Variants in DYNLT2 observed in about 807,000 individuals in gnomAD.
DYNLT2 encodes dynein light chain Tctex-type 2, also known as dynein light chain Tctex-type protein 2.
In DYNLT2, 24 loss-of-function variants were observed where a neutral mutation model predicts 24.3. The ratio of observed to expected loss-of-function variants is 0.99; its 90% CI spans 0.71 to 1.39. The LOEUF (loss-of-function observed/expected upper bound fraction) is 1.39, where lower values mean the gene tolerates loss of function less well. DYNLT2 is among the 40% of genes most tolerant of loss of function. The pLI, the probability that DYNLT2 is intolerant of heterozygous loss-of-function variation, is 0.00. For missense variants in DYNLT2, 246 were observed against 234.5 expected (o/e 1.05, Z -0.32); for synonymous variants, 85 against 85.4 (o/e 1.00, Z 0.03).
In DYNLT2 at chr6:169,748,035, G is replaced by A. The variant is rs761484433; in HGVS notation, c.120+3304C>T. Among the ~76,000 whole-genome samples the A allele has an allele frequency of 5.3e-5, 8 of 152,132 alleles. No homozygotes were observed. The South Asian group carries it at 6.2e-4, about 12-fold the overall frequency. On this transcript the variant is annotated intron_variant, in intron 1 of 3. Transcript: ENST00000366774. ...ACTGAGGCAATACACGTCTTAGCACGCTAACCAAAGCCCTGTATTTTTCAT... is the reference window on the plus strand; with the variant it reads ...ACTGAGGCAATACACGTCTTAGCACACTAACCAAAGCCCTGTATTTTTCAT...
At chr6:169,749,905 T>G (rs1356886885) in intron 1 of DYNLT2, 2 of 152,370 alleles carry the variant, frequency 1.3e-5, no homozygotes, top group Non-Finnish European at 2.9e-5. Context: ...ACAGCTACCT[T>G]AAATTAGAAA....
At chr6:169,726,418 T>A in the DYNLT2 span, among the ~76,000 whole-genome samples, 2 of 152,172 alleles carry the variant, frequency 1.3e-5, no homozygotes, top group Admixed American at 6.5e-5. Context: ...CACAGGTAGA[T>A]GTGCAATGGA....
chr6:169,742,681 C>T (rs1342690677), intron 3 of DYNLT2, among the ~76,000 whole-genome samples: 1 of 152,084 alleles, frequency 6.6e-6, no homozygotes, highest in African/African-American at 2.4e-5. Flanking sequence ...CCACTGCAAC[C>T]TCTGCTTCCC....
chr6:169,748,117 G>A (rs1470718494), intron 1 of DYNLT2, among the ~76,000 whole-genome samples: 1 of 152,012 alleles, frequency 6.6e-6, no homozygotes, highest in African/African-American at 2.4e-5. Flanking sequence ...TGTTCCTTTT[G>A]GGTGATTCTT....
At chr6:169,737,301 C>T (rs890274120), downstream of DYNLT2, among the ~76,000 whole-genome samples, 3 of 152,212 alleles carry the variant, frequency 2.0e-5, no homozygotes, top group Admixed American at 2.0e-4. Flanking sequence ...TACACATCTT[C>T]TGAAGTCTAC....
At chr6:169,737,320 A>G (rs758878402), downstream of DYNLT2, among the ~76,000 whole-genome samples, 1 of 152,158 alleles carries the variant, frequency 6.6e-6, no homozygotes, top group Non-Finnish European at 1.5e-5. Flanking sequence ...ACTTCTGTCA[A>G]TTCATCCCTC....
In DYNLT2 at chr6:169,751,356, T is replaced by C. The variant is rs770448231; in HGVS notation, c.103A>G (p.Met35Val). The change falls in exon 1 of 4, where the codon ATG (methionine) becomes GTG (valine). Residue 35 changes from methionine (M) to valine (V), a missense_variant. Physicochemically the swap from Met to Val is conservative, Grantham distance 21 (BLOSUM62 1). Coordinates refer to ENST00000366774, the MANE Select transcript of DYNLT2 (RefSeq NM_174910.3). ...GCACTCACTGCCTCCTTCTCGAACATGCTAGGCCTCCTTTCTTTCCTAGGC... is the reference window on the plus strand; with the variant it reads ...GCACTCACTGCCTCCTTCTCGAACACGCTAGGCCTCCTTTCTTTCCTAGGC... ...VTPRKERRPS[M>V]FEKEAYTQIL... 6.2e-6 allele frequency: 10 copies of C among 1,613,948 alleles called. No homozygotes were observed. The Admixed American group carries it at 1.2e-4, about 19-fold the overall frequency.
Position 169,743,127 on chromosome 6 carries a change from A to G in DYNLT2, c.439T>C (p.Phe147Leu). ...VKEFGYHRYKFIIKVLFIQKT... is the reference protein window; with the variant it reads ...VKEFGYHRYKLIIKVLFIQKT... ...TGAATAAATAATACTTTTATAATGA[A>G]CTTATAACGGTGGTACCCAAATTCT... Residue 147 changes from phenylalanine to leucine, a missense_variant, in exon 3 of 4, where the codon TTC becomes CTC. Phe to Leu is a conservative substitution (Grantham distance 22). Coordinates refer to ENST00000366774, the MANE Select transcript of DYNLT2 (RefSeq NM_174910.3). The G allele has an allele frequency of 6.3e-7, 1 of 1,581,198 alleles. No individual in the cohort carries two copies. Among genetic ancestry groups the G allele is most frequent in the Non-Finnish European group, 8.6e-7 (1 of 1,158,786 alleles).
chr6:169,742,547 G>A (rs1232983956), intron 3 of DYNLT2, among the ~76,000 whole-genome samples: 2 of 152,146 alleles, frequency 1.3e-5, no homozygotes, highest in East Asian at 3.8e-4. Flanking sequence ...ATATGATCAA[G>A]GAACAGAATA....
downstream of DYNLT2, among the ~76,000 whole-genome samples, chr6:169,735,136 C>A (rs970270506): frequency 2.0e-5 from 3 of 151,986 alleles, no homozygotes; most frequent in South Asian, 4.1e-4. Flanking sequence ...GTGGTGATAT[C>A]CCCTTTATCA....
At chr6:169,741,395 G>A (rs1789675615) in intron 3 of DYNLT2, among the ~76,000 whole-genome samples, 1 of 152,150 alleles carries the variant, frequency 6.6e-6, no homozygotes, top group Non-Finnish European at 1.5e-5. Flanking sequence ...TCAGACAAGT[G>A]ACAGAAGCCA....
the DYNLT2 span, among the ~76,000 whole-genome samples, chr6:169,728,662 T>A: frequency 2.0e-5 from 3 of 152,202 alleles, no homozygotes; most frequent in Non-Finnish European, 4.4e-5. Flanking sequence ...CAGGAATTTT[T>A]TAAATTGTAA....
chr6:169,749,886 G>A (rs1278173584), intron 1 of DYNLT2: 1 of 152,154 alleles, frequency 6.6e-6, no homozygotes, highest in East Asian at 1.9e-4. Flanking sequence ...CTCCAAAATA[G>A]GGAAATTAAC....
intron 1 of DYNLT2, chr6:169,751,061 T>A: frequency 2.8e-6 from 1 of 360,204 alleles, no homozygotes; most frequent in Non-Finnish European, 5.0e-6. Flanking sequence ...GCTGAGTAAA[T>A]TTGAAAAGAA....
chr6:169,737,744 T>C (rs746144938), downstream of DYNLT2, among the ~76,000 whole-genome samples: 9 of 152,154 alleles, frequency 5.9e-5, no homozygotes, highest in Non-Finnish European at 1.3e-4. Context: ...GGATCACTCC[T>C]GTATAGGGTA....
chr6:169,749,498 G>A (rs187992711), intron 1 of DYNLT2: 242 of 151,790 alleles, frequency 1.6e-3, no homozygotes, highest in African/African-American at 5.7e-3. Context: ...CGCAACAACA[G>A]GAACTCATTC....
chr6:169,739,367 G>A (rs1166215467), downstream of DYNLT2, among the ~76,000 whole-genome samples: 1 of 151,984 alleles, frequency 6.6e-6, no homozygotes, highest in Non-Finnish European at 1.5e-5. Flanking sequence ...CTTTTCACAT[G>A]ATCTCACGCT....
the DYNLT2 span, among the ~76,000 whole-genome samples, chr6:169,732,448 C>T: frequency 1.3e-5 from 2 of 152,134 alleles, no homozygotes; most frequent in African/African-American, 4.8e-5. Flanking sequence ...TCCACTCTCA[C>T]CCCCAACAGG....
At chr6:169,725,446 C>G in the DYNLT2 span, 5 of 397,482 alleles carry the variant, frequency 1.3e-5, no homozygotes, top group Non-Finnish European at 1.3e-5. Context: ...TCACCACTGA[C>G]GACGCCGGGC....
Sources: allele counts gnomAD v4.1 joint callset (sites outside exome capture counted in the v4.1 genomes callset), GRCh38; gene constraint gnomAD v4.1.1; transcripts MANE v1.5; gene names NCBI Gene and HGNC (gene_info 2026-07-23, HGNC 2026-07-21).